The following CSNK1E variants were observed in gnomAD, a reference collection of about 807,000 sequenced individuals.
The protein encoded by CSNK1E is casein kinase 1 epsilon.
In CSNK1E, 17 loss-of-function variants were observed where a neutral mutation model predicts 46.1. The ratio of observed to expected loss-of-function variants is 0.37; its 90% CI spans 0.25 to 0.55. The LOEUF (loss-of-function observed/expected upper bound fraction) is 0.55, where lower values mean the gene tolerates loss of function less well. Ranked by LOEUF, CSNK1E falls within the 20% of genes least tolerant of loss-of-function variation. The pLI is 0.82. For synonymous variants in CSNK1E, 241 were observed against 242.6 expected, an observed-to-expected ratio of 0.99 and a Z score of 0.06; for missense variants, 386 against 595.4, an observed-to-expected ratio of 0.65 and a Z score of 3.66.
upstream of CSNK1E, among the ~76,000 whole-genome samples, chr22:38,317,616 GA>G (rs1749977234): frequency 6.6e-6 from 1 of 152,018 alleles, no homozygotes; most frequent in African/African-American, 2.4e-5. Context: ...GGGGGTGGGG[GA>G]GCACACAGAT....
intron 2 of CSNK1E, among the ~76,000 whole-genome samples, chr22:38,311,416 G>C (rs577515397): frequency 6.6e-6 from 1 of 152,320 alleles, no homozygotes; most frequent in African/African-American, 2.4e-5. Context: ...TCCCCAGGGA[G>C]GTCCCACCAC....
chr22:38,315,853 GTC>G (rs2092742821), intron 1 of CSNK1E, among the ~76,000 whole-genome samples: 1 of 152,090 alleles, frequency 6.6e-6, no homozygotes, highest in Admixed American at 6.6e-5. Flanking sequence ...TGACCCCCCA[GTC>G]TCTCCCCACT....
intron 9 of CSNK1E, 119 bp from the exon 10 acceptor site, chr22:38,293,438 T>C: frequency 1.5e-6 from 1 of 661,034 alleles, no homozygotes; most frequent in Non-Finnish European, 2.7e-6. Context: ...TGAGGAGGTG[T>C]ACCCCCACCC....
chr22:38,306,156 C>T (rs1388646405), intron 2 of CSNK1E, among the ~76,000 whole-genome samples: 1 of 152,198 alleles, frequency 6.6e-6, no homozygotes, highest in Non-Finnish European at 1.5e-5. Flanking sequence ...GTATATTCCA[C>T]ACTCTCATTT....
chr22:38,315,544 T>C (rs986585204), intron 1 of CSNK1E, among the ~76,000 whole-genome samples: 7 of 151,048 alleles, frequency 4.6e-5, no homozygotes, highest in Non-Finnish European at 8.8e-5. Flanking sequence ...ACGCCACACA[T>C]CCCACGTACA....
rs368795328 is a variant in CSNK1E, at chr22:38,303,131, C to A, written c.187+7G>T. ...CCGGCGCCCGCCGCCGCCCACCCTG[C>A]GCTCACCGCCACCCTGCATCATCTT... On this transcript the variant is annotated splice_region_variant and intron_variant, in intron 3 of 10. Coordinates refer to ENST00000396832, the MANE Select transcript of CSNK1E (RefSeq NM_152221.3). The surrounding 1 kb of genome is among the most constrained non-coding windows in gnomAD (Gnocchi z 4.7). 14 of 1,604,540 alleles carry A rather than the reference C, an allele frequency of 8.7e-6. No individual in the cohort carries two copies. The highest frequency in any genetic ancestry group is 1.1e-5 in the Non-Finnish European group (13 of 1,176,382).
intron 7 of CSNK1E, among the ~76,000 whole-genome samples, chr22:38,295,794 T>C (rs1039241220): frequency 2.0e-5 from 3 of 152,078 alleles, no homozygotes; most frequent in African/African-American, 7.2e-5. Context: ...CTTCCCATCC[T>C]CCCACCCAGA....
At position 38,314,117 on chromosome 22, in the gene CSNK1E, T is replaced by C; in HGVS notation, c.41A>G (p.Lys14Arg). Residue 14 changes from lysine to arginine, a missense_variant, in exon 2 of 11, where the codon AAG becomes AGG. Lys to Arg is a conservative substitution (Grantham distance 26, BLOSUM62 2). Transcript: ENST00000396832. ...RVGNKYRLGR[K>R]IGSGSFGDIY... ...ATCTCCGAAGGACCCGCTCCCGATC[T>C]TCCGTCCCAGGCGGTACTTGTTCCC... The C allele has an allele frequency of 6.2e-7, 1 of 1,614,076 alleles. No individual in the cohort carries two copies. The highest frequency in any genetic ancestry group is 8.5e-7 in the Non-Finnish European group (1 of 1,179,954).
rs543028908 is a variant in CSNK1E, at chr22:38,300,594, C to T, written c.565+130G>A. The T allele has an allele frequency of 5.7e-4, 481 of 848,290 alleles. 1 individual carries two copies. Among genetic ancestry groups the T allele is most frequent in the Non-Finnish European group, 7.4e-4 (404 of 542,584 alleles). The allele number at this position is 848,290 out of a possible 1,614,324, so 52.5% of individuals were successfully genotyped here. On this transcript the variant is annotated intron_variant, in intron 5 of 10. Coordinates refer to ENST00000396832, the MANE Select transcript of CSNK1E (RefSeq NM_152221.3). This position sits in a 1 kb window ranked among gnomAD's most constrained non-coding sequence, Gnocchi z 4.4. ...GAATAAGCACGAGCTTGGGGGCAGA[C>T]GGGGTGGGGACTTTCTCACTAGAAA... is the stretch of plus-strand genomic sequence containing the variant.
chr22:38,299,257 G>C (rs1250248288), intron 6 of CSNK1E, among the ~76,000 whole-genome samples: 1 of 152,212 alleles, frequency 6.6e-6, no homozygotes, highest in African/African-American at 2.4e-5. Flanking sequence ...GGGGCCCACA[G>C]ATCAATCGTT....
intron 2 of CSNK1E, among the ~76,000 whole-genome samples, chr22:38,305,467 A>AAAAAAG (rs1555908416): frequency 8.8e-5 from 12 of 135,804 alleles, no homozygotes; most frequent in East Asian, 2.1e-4. Context: ...CCTCTCCAAA[A>AAAAAAG]AAAAAAGAAT....
At chr22:38,308,440 G>A (rs979530966) in intron 2 of CSNK1E, among the ~76,000 whole-genome samples, 4 of 152,046 alleles carry the variant, frequency 2.6e-5, no homozygotes, top group Admixed American at 6.6e-5. Context: ...AGCGGTTGAA[G>A]TGTGAGTTTC....
intron 2 of CSNK1E, among the ~76,000 whole-genome samples, chr22:38,312,381 G>A (rs892716598): frequency 6.6e-6 from 1 of 152,172 alleles, no homozygotes; most frequent in African/African-American, 2.4e-5. Flanking sequence ...GTGAGCCACC[G>A]CACCTGGCCA....
At chr22:38,305,356 A>C (rs2092693715) in intron 2 of CSNK1E, among the ~76,000 whole-genome samples, 1 of 151,814 alleles carries the variant, frequency 6.6e-6, no homozygotes, top group Admixed American at 6.6e-5. Flanking sequence ...TGTTAGAAGA[A>C]GGGAGAATTG....
Position 38,298,580 on chromosome 22 carries a change from C to A in CSNK1E, c.885+206G>T. 1.7e-6 allele frequency: 1 copy of A among 605,862 alleles called. No individual in the cohort carries two copies. The highest frequency in any genetic ancestry group is 2.9e-6 in the Non-Finnish European group (1 of 347,834). The allele number at this position is 605,862 out of a possible 1,614,324, so 37.5% of individuals were successfully genotyped here. A position where few individuals can be genotyped will look rare whatever the true frequency, so the allele number is the denominator to read the frequency against. On this transcript the variant is annotated intron_variant, in intron 7 of 10. Coordinates refer to ENST00000396832, the MANE Select transcript of CSNK1E (RefSeq NM_152221.3). This position sits in a 1 kb window ranked among gnomAD's most constrained non-coding sequence, Gnocchi z 4.2. The stretch of plus-strand genomic sequence containing the variant: ...TGTTCCGACGGGAGACAGCGCCCTG[C>A]CTGGGCCCTGCTGCCCATGGTGGCA...
intron 2 of CSNK1E, among the ~76,000 whole-genome samples, chr22:38,308,926 C>T (rs1483979406): frequency 2.0e-5 from 3 of 152,074 alleles, no homozygotes; most frequent in South Asian, 4.1e-4. Context: ...CTTGAATGGC[C>T]GGCTAAGATC....
At chr22:38,296,654 A>G (rs768059015) in intron 7 of CSNK1E, 7 of 1,612,866 alleles carry the variant, frequency 4.3e-6, no homozygotes, top group Non-Finnish European at 5.1e-6. Context: ...AGGCGGTCAG[A>G]CCAGCAGCAG....
At chr22:38,313,977 C>A in intron 2 of CSNK1E, 105 bp downstream of exon 2, 1 of 1,083,958 alleles carries the variant, frequency 9.2e-7, no homozygotes, top group Non-Finnish European at 1.4e-6. Context: ...AAATCATGCC[C>A]CTGGAGCCAC....
chr22:38,315,930 T>C (rs1031720767), intron 1 of CSNK1E, among the ~76,000 whole-genome samples: 7 of 151,998 alleles, frequency 4.6e-5, no homozygotes, highest in African/African-American at 1.7e-4. Context: ...CTGACTGCTA[T>C]GTGCCAGCCA....
Sources: gnomAD v4.1 joint callset for allele counts (sites outside exome capture counted in the v4.1 genomes callset) on GRCh38, gnomAD v4.1.1 for gene constraint, Gnocchi (gnomAD v3.1) non-coding constraint, MANE v1.5 for transcripts, NCBI Gene and HGNC (gene_info 2026-07-23, HGNC 2026-07-21) for gene names.